Variants in AMZ2 observed in about 807,000 individuals in gnomAD.
AMZ2 encodes the protein archaemetzincin-2.
A neutral mutation model predicts 36.7 loss-of-function variants in AMZ2; 26 were observed. The ratio of observed to expected loss-of-function variants is 0.71; its 90% CI spans 0.52 to 0.98. The LOEUF (loss-of-function observed/expected upper bound fraction) is 0.98, where lower values mean the gene tolerates loss of function less well. AMZ2 is among the 50% of genes least tolerant of loss of function. AMZ2 has a pLI of 0.00. For missense variants in AMZ2, 394 were observed against 430.5 expected, an observed-to-expected ratio of 0.92 and a Z score of 0.75; for synonymous variants, 144 against 149.1, an observed-to-expected ratio of 0.97 and a Z score of 0.25.
intron 1 of AMZ2, among the ~76,000 whole-genome samples, chr17:68,209,608 A>G (rs782539833): frequency 0.032 from 3,597 of 113,616 alleles, 76 homozygotes; most frequent in African/African-American, 0.047. Context: ...GTGTGTGTAT[A>G]TGTATATATA....
At chr17:68,232,732 A>T (rs782006264) in intron 1 of AMZ2, among the ~76,000 whole-genome samples, 2 of 152,128 alleles carry the variant, frequency 1.3e-5, no homozygotes, top group Admixed American at 6.5e-5. Context: ...AATCCCAGCT[A>T]CTTGGGAGGC....
At chr17:68,242,915 A>T (rs1375699042) in intron 1 of AMZ2, among the ~76,000 whole-genome samples, 12 of 151,988 alleles carry the variant, frequency 7.9e-5, no homozygotes, top group African/African-American at 2.9e-4. Flanking sequence ...GTGATGGTGC[A>T]TACCTGTAAT....
chr17:68,226,485 C>T (rs1334099912), intron 1 of AMZ2, among the ~76,000 whole-genome samples: 3 of 152,174 alleles, frequency 2.0e-5, no homozygotes, highest in African/African-American at 7.2e-5. Flanking sequence ...TTGTCCAGCC[C>T]ACTGCAGGGA....
intron 1 of AMZ2, among the ~76,000 whole-genome samples, chr17:68,214,008 CT>C (rs1176284924): frequency 1.3e-5 from 2 of 148,522 alleles, no homozygotes; most frequent in Admixed American, 1.3e-4. Context: ...AGTATTTTCT[CT>C]TACTTTTCTG....
At chr17:68,212,001 C>CTA (rs1258591792) in intron 1 of AMZ2, among the ~76,000 whole-genome samples, 8 of 151,700 alleles carry the variant, frequency 5.3e-5, no homozygotes, top group Admixed American at 2.0e-4. Context: ...TTATCTCTAT[C>CTA]TATATATATC....
chr17:68,238,919 C>T (rs1249760050), intron 1 of AMZ2, among the ~76,000 whole-genome samples: 1 of 152,204 alleles, frequency 6.6e-6, no homozygotes, highest in Non-Finnish European at 1.5e-5. Context: ...TTGGCACTGC[C>T]AGAACTGGTC....
chr17:68,208,374 A>C (rs1197092841), intron 1 of AMZ2, among the ~76,000 whole-genome samples: 1 of 152,140 alleles, frequency 6.6e-6, no homozygotes, highest in Non-Finnish European at 1.5e-5. Flanking sequence ...TTATAAATGC[A>C]CCAATCAGCA....
Position 68,254,543 on chromosome 17 carries a change from T to C in AMZ2, c.726T>C (p.Ser242=), listed in dbSNP as rs1555741758. 6.2e-7 allele frequency: 1 copy of C among 1,612,494 alleles called. No homozygotes were observed. Among genetic ancestry groups the C allele is most frequent in the African/African-American group, 1.3e-5 (1 of 75,010 alleles). The change falls in exon 5 of 7, where the codon AGT becomes AGC. Residue 242 remains serine (S), a synonymous_variant. Transcript: ENST00000359904. ...ACTATTATATTCCAGAAATAACTAG[T>C]GTTTTACTACTTCGATCCTGTAAGG... ...FDNYYIPEIT[S]VLLLRSCKTL...
intron 1 of AMZ2, among the ~76,000 whole-genome samples, chr17:68,209,228 C>T (rs1217486013): frequency 1.4e-5 from 2 of 147,462 alleles, no homozygotes; most frequent in Non-Finnish European, 3.0e-5. Flanking sequence ...GAGTCTTGCT[C>T]TGTCGCCTAG....
chr17:68,207,722 C>T (rs1294063814), intron 1 of AMZ2, among the ~76,000 whole-genome samples: 7 of 152,266 alleles, frequency 4.6e-5, no homozygotes, highest in Non-Finnish European at 7.3e-5. Context: ...CCCTGGCTGT[C>T]GGCGCCTCCT....
At chr17:68,226,787 C>T (rs1159910487) in intron 1 of AMZ2, among the ~76,000 whole-genome samples, 1 of 152,036 alleles carries the variant, frequency 6.6e-6, no homozygotes, top group Non-Finnish European at 1.5e-5. Context: ...TTTCAGCTGC[C>T]TAATTTACTC....
chr17:68,231,165 G>A (rs2144599016), intron 1 of AMZ2, among the ~76,000 whole-genome samples: 1 of 152,026 alleles, frequency 6.6e-6, no homozygotes, highest in South Asian at 2.1e-4. Flanking sequence ...CTGGGCTCAA[G>A]TGATCCTCCT....
At chr17:68,212,669 C>T (rs1282798702) in intron 1 of AMZ2, among the ~76,000 whole-genome samples, 3 of 152,094 alleles carry the variant, frequency 2.0e-5, no homozygotes, top group South Asian at 2.1e-4. Context: ...TAGGTTCAAG[C>T]GATACTCCCA....
chr17:68,214,906 C>T (rs11654309), intron 1 of AMZ2, among the ~76,000 whole-genome samples: 35,140 of 151,958 alleles, frequency 0.23, 4,357 homozygotes, highest in South Asian at 0.29. Flanking sequence ...GCTTCAGTCC[C>T]GCAAATAGCT....
At chr17:68,249,124 G>A in intron 1 of AMZ2, 1 of 1,177,938 alleles carries the variant, frequency 8.5e-7, no homozygotes, top group South Asian at 4.2e-5. Context: ...TTAGTCATCT[G>A]ATGTCTTCCC....
chr17:68,244,468 G>A (rs1185006220), upstream of AMZ2, among the ~76,000 whole-genome samples: 1 of 152,024 alleles, frequency 6.6e-6, no homozygotes, highest in African/African-American at 2.4e-5. Context: ...TGTATATTTA[G>A]TAGAGACGGG....
intron 1 of AMZ2, among the ~76,000 whole-genome samples, chr17:68,219,859 T>C (rs1230828603): frequency 6.6e-6 from 1 of 152,172 alleles, no homozygotes; most frequent in Non-Finnish European, 1.5e-5. Flanking sequence ...GAAGCTATTA[T>C]TGTTCATAGA....
At chr17:68,232,568 T>G (rs1432031489) in intron 1 of AMZ2, among the ~76,000 whole-genome samples, 1 of 150,742 alleles carries the variant, frequency 6.6e-6, no homozygotes. Context: ...GGGCTGGGTG[T>G]GGTTTTGGAT....
intron 1 of AMZ2, among the ~76,000 whole-genome samples, chr17:68,212,599 C>T (rs1460583619): frequency 1.3e-5 from 2 of 151,876 alleles, no homozygotes; most frequent in Non-Finnish European, 2.9e-5. Flanking sequence ...GTCTCTTTCA[C>T]CCTGTCATCC....
Sources: gnomAD v4.1 joint callset for allele counts (sites outside exome capture counted in the v4.1 genomes callset) on GRCh38, gnomAD v4.1.1 for gene constraint, MANE v1.5 for transcripts, NCBI Gene and HGNC (gene_info 2026-07-23, HGNC 2026-07-21) for gene names.